Variants in EDEM3 observed in about 807,000 individuals in gnomAD.
The protein encoded by EDEM3 is ER degradation enhancing alpha-mannosidase like protein 3, also known as ER degradation-enhancing alpha-mannosidase-like protein 3.
EDEM3 carries 60 observed loss-of-function variants against 110.2 expected under a neutral mutation model. The observed-to-expected ratio is 0.54, with a 90% CI of 0.44 to 0.67. EDEM3 has a LOEUF of 0.67. EDEM3 is among the 30% of genes least tolerant of loss of function. The probability of loss-of-function intolerance (pLI) is 0.00; values close to 1 mark genes in which losing one functional copy is unlikely to be tolerated. For synonymous variants in EDEM3, 352 were observed against 382.9 expected, an observed-to-expected ratio of 0.92 and a Z score of 0.94; for missense variants, 996 against 1,121.0, an observed-to-expected ratio of 0.89 and a Z score of 1.59.
intron 11 of EDEM3, among the ~76,000 whole-genome samples, chr1:184,717,959 G>T (rs1650645593): frequency 1.3e-5 from 2 of 151,524 alleles, no homozygotes; most frequent in South Asian, 4.2e-4. Context: ...TTTTCCTCTG[G>T]ATTATTACTC....
intron 19 of EDEM3, among the ~76,000 whole-genome samples, chr1:184,695,605 A>C (rs1301762637): frequency 6.6e-6 from 1 of 152,028 alleles, no homozygotes; most frequent in Non-Finnish European, 1.5e-5. Context: ...ACAAGAAAAA[A>C]AATCTCTGTA....
At position 184,692,622 on chromosome 1, in the gene EDEM3, T is replaced by C. The variant is rs1292472550; in HGVS notation, c.*1441A>G. On this transcript the variant is annotated 3_prime_UTR_variant, in exon 20 of 20. Coordinates refer to ENST00000318130, the MANE Select transcript of EDEM3 (RefSeq NM_025191.4). ...ATGGTAAAGAGAAGAAAATTATGTC[T>C]CTTAAATATTCCTTTAGAACAAATT... is the stretch of plus-strand genomic sequence containing the variant. 1 of 152,076 alleles carries C rather than the reference T, an allele frequency of 6.6e-6. No homozygotes were observed. The highest frequency in any genetic ancestry group is 2.4e-5 in the African/African-American group (1 of 41,426). 9.4% of individuals were successfully genotyped at this position (152,076 alleles called of 1,614,324 possible).
In EDEM3 at chr1:184,734,643, C is replaced by T. The variant is rs1323443357; in HGVS notation, c.346G>A (p.Val116Ile). 2.3e-6 allele frequency: 3 copies of T among 1,291,904 alleles called. No individual in the cohort carries two copies. Among genetic ancestry groups the T allele is most frequent in the Non-Finnish European group, 2.2e-6 (2 of 927,394 alleles). 80.0% of individuals were successfully genotyped at this position (1,291,904 alleles called of 1,614,324 possible). ...TLIDSLDTLV[V>I]LNKTKEFEDA... is the part of the protein sequence containing the mutation. ...TCAAATTCTTTAGTTTTATTTAAAA[C>T]CTGGGAGAAGAAAATTATGAAATAA... The change falls in exon 5 of 20, where the codon GTT (valine) becomes ATT (isoleucine). Residue 116 changes from valine (V) to isoleucine (I), a missense_variant and splice_region_variant. Physicochemically the swap from Val to Ile is conservative, Grantham distance 29. Transcript: ENST00000318130.
chr1:184,698,960 A>G (rs1450137870), intron 19 of EDEM3, among the ~76,000 whole-genome samples: 6 of 151,996 alleles, frequency 3.9e-5, no homozygotes, highest in African/African-American at 1.4e-4. Context: ...AGTCTGCCAC[A>G]TTGCTACAAA....
chr1:184,720,687 A>C (rs1481096587), intron 9 of EDEM3: 1 of 152,518 alleles, frequency 6.6e-6, no homozygotes, highest in Non-Finnish European at 1.5e-5. Context: ...ATAGGTGAGC[A>C]AGGAAATGGT....
intron 6 of EDEM3, among the ~76,000 whole-genome samples, chr1:184,729,056 G>C (rs529628606): frequency 1.3e-5 from 2 of 152,106 alleles, no homozygotes; most frequent in Non-Finnish European, 2.9e-5. Context: ...ATAGGTTCTT[G>C]TCCTCCTGAC....
chr1:184,739,267 T>A (rs1652001034), intron 2 of EDEM3, among the ~76,000 whole-genome samples: 1 of 148,976 alleles, frequency 6.7e-6, no homozygotes, highest in African/African-American at 2.4e-5. Flanking sequence ...TAAATTTAAA[T>A]TAATTTTAAT....
At chr1:184,698,788 GA>G (rs1649459572) in intron 19 of EDEM3, among the ~76,000 whole-genome samples, 1 of 151,452 alleles carries the variant, frequency 6.6e-6, no homozygotes. Flanking sequence ...GAGAGACAGA[GA>G]CAGAGAGAGA....
At position 184,694,286 on chromosome 1, in the gene EDEM3, G is replaced by A. The variant is rs1461199778; in HGVS notation, c.2576C>T (p.Ser859Phe). The A allele has an allele frequency of 7.4e-6, 12 of 1,613,146 alleles. No individual in the cohort carries two copies. Among genetic ancestry groups the A allele is most frequent in the Non-Finnish European group, 1.0e-5 (12 of 1,179,604 alleles). ...LADMDNAASI[S>F]PSEQTSNPTE... ...GGGATTAGAAGTCTGTTCAGAAGGG[G>A]AAATGCTTGCAGCATTGTCCATATC... The change falls in exon 20 of 20, where the codon TCC becomes TTC. Residue 859 changes from serine (S) to phenylalanine (F), a missense_variant. Coordinates refer to ENST00000318130, the MANE Select transcript of EDEM3 (RefSeq NM_025191.4).
chr1:184,737,770 G>A (rs962118923), intron 2 of EDEM3, 59 bp from the exon 3 acceptor site: 49 of 1,431,562 alleles, frequency 3.4e-5, no homozygotes, highest in Non-Finnish European at 4.5e-5. Flanking sequence ...ACATCATTTT[G>A]AGAACATAAC....
intron 17 of EDEM3, 120 bp downstream of exon 17, chr1:184,708,033 A>G (rs569452737): frequency 1.1e-6 from 1 of 905,146 alleles, no homozygotes; most frequent in East Asian, 3.0e-5. Context: ...AATCCAGGAG[A>G]TTGACTATTT....
chr1:184,734,513 A>C lies in EDEM3; in HGVS notation c.458+18T>G. On this transcript the variant is annotated intron_variant, in intron 5 of 19. Transcript: ENST00000318130. ...AAAAATAAAATAAAATTATAGCTTT[A>C]GTGTCTTTCATACTTACCCAAGAAC... The C allele has an allele frequency of 1.0e-6, 1 of 1,004,152 alleles. No individual in the cohort carries two copies. The highest frequency in any genetic ancestry group is 1.4e-6 in the Non-Finnish European group (1 of 717,882). 62.2% of individuals were successfully genotyped at this position (1,004,152 alleles called of 1,614,324 possible).
At chr1:184,737,142 A>G in intron 3 of EDEM3, 78 bp from the exon 4 acceptor site, 1 of 1,228,008 alleles carries the variant, frequency 8.1e-7, no homozygotes, top group Non-Finnish European at 1.2e-6. Flanking sequence ...ACTTATCTAC[A>G]TTCTATTGAC....
chr1:184,694,703 A>G (rs1179853019), intron 19 of EDEM3, among the ~76,000 whole-genome samples: 1 of 152,034 alleles, frequency 6.6e-6, no homozygotes, highest in Admixed American at 6.6e-5. Flanking sequence ...CGTTCTTCCA[A>G]ATTGGAAGGA....
chr1:184,698,471 C>T (rs746967871), intron 19 of EDEM3, among the ~76,000 whole-genome samples: 6 of 151,794 alleles, frequency 4.0e-5, no homozygotes, highest in Non-Finnish European at 8.8e-5. Context: ...TGCTATCCTA[C>T]TAACTTGGAG....
rs181083266 is a variant in EDEM3, at chr1:184,695,420, G to A, written c.2390-948C>T. On this transcript the variant is annotated intron_variant, in intron 19 of 19. Coordinates refer to ENST00000318130, the MANE Select transcript of EDEM3 (RefSeq NM_025191.4). ...AACTCAACTGTGACACGTTATGAAA[G>A]AGAGATAAGGATTTTGGATGCTCAA... 6.6e-4 allele frequency among the ~76,000 whole-genome samples: 101 copies of A among 152,152 alleles called. 1 individual carries two copies. The East Asian group carries it at 0.017, about 26-fold the overall frequency.
chr1:184,746,408 G>A (rs533388418), intron 2 of EDEM3, among the ~76,000 whole-genome samples: 7 of 152,310 alleles, frequency 4.6e-5, no homozygotes, highest in East Asian at 1.9e-4. Context: ...GATTTTAGGA[G>A]GGCAATTTCA....
chr1:184,739,950 T>A (rs936722745), intron 2 of EDEM3, among the ~76,000 whole-genome samples: 1 of 152,030 alleles, frequency 6.6e-6, no homozygotes, highest in South Asian at 2.1e-4. Context: ...CCAAAGGACA[T>A]AGGAGTTGAT....
At position 184,737,653 on chromosome 1, in the gene EDEM3, C is replaced by A; in HGVS notation, c.263G>T (p.Gly88Val). ...AACGTCACCGCGACTTGGCTCTTGG[C>A]CTCTAACTCGACCTCTACAGGTTAA... Reference protein sequence around the residue: ...MPLTCRGRVRGQEPSRGDVDD... With the variant: ...MPLTCRGRVRVQEPSRGDVDD... The change falls in exon 3 of 20, where the codon GGC (glycine) becomes GTC (valine). Residue 88 changes from glycine to valine, a missense_variant. Gly to Val is a moderately radical substitution (Grantham distance 109). This residue lies in a region of EDEM3 where 200 missense variants were observed against 183.8 expected (regional missense o/e 1.09). Transcript: ENST00000318130. 6.2e-7 allele frequency: 1 copy of A among 1,614,000 alleles called. No homozygotes were observed. Among genetic ancestry groups the A allele is most frequent in the Non-Finnish European group, 8.5e-7 (1 of 1,179,908 alleles).
Sources: allele counts gnomAD v4.1 joint callset (sites outside exome capture counted in the v4.1 genomes callset), GRCh38; gene constraint gnomAD v4.1.1; regional missense constraint gnomAD v4.1.1; transcripts MANE v1.5; gene names NCBI Gene and HGNC (gene_info 2026-07-23, HGNC 2026-07-21).